TMC5: variants seen among roughly 807,000 people sequenced by gnomAD.
TMC5 encodes transmembrane channel-like protein 5.
Under a neutral mutation model 110.5 loss-of-function variants are expected in TMC5, and 86 were observed. The observed-to-expected ratio is 0.78, with a 90% CI of 0.65 to 0.93. The LOEUF (loss-of-function observed/expected upper bound fraction) is 0.93, where lower values mean the gene tolerates loss of function less well. Among genes scored for constraint, TMC5 ranks in the 40% least tolerant of loss-of-function variants. The probability of loss-of-function intolerance (pLI) is 0.00; values close to 1 mark genes in which losing one functional copy is unlikely to be tolerated. For synonymous variants in TMC5, 455 were observed against 439.5 expected (o/e 1.04, Z -0.44); for missense variants, 1,144 against 1,222.8 (o/e 0.94, Z 0.96).
rs866394841 is a variant in TMC5 at position 19,469,735 on chromosome 16, G to A, written c.1692G>A (p.Gly564=). The A allele has an allele frequency of 1.2e-6, 2 of 1,614,114 alleles. No individual in the cohort carries two copies. Among genetic ancestry groups the A allele is most frequent in the East Asian group, 4.5e-5 (2 of 44,880 alleles). ...TTAATCCCCACATTTACTCCGGAGGGATCACCAAGCTGATCTTTTGCTGGG... is the reference window on the plus strand; with the variant it reads ...TTAATCCCCACATTTACTCCGGAGGAATCACCAAGCTGATCTTTTGCTGGG... The part of the protein sequence containing the change: ...NFINPHIYSG[G]ITKLIFCWDF... Residue 564 remains glycine (G), a synonymous_variant, in exon 10 of 22, where the codon GGG becomes GGA. Coordinates refer to ENST00000542583, the MANE Select transcript of TMC5 (RefSeq NM_001261841.2).
chr16:19,451,965 ATTTTTG>A (rs1192468053), intron 5 of TMC5, among the ~76,000 whole-genome samples: 6 of 151,948 alleles, frequency 3.9e-5, no homozygotes, highest in African/African-American at 1.5e-4. Flanking sequence ...CACCCAGCTC[ATTTTTG>A]TATTTTTAGT....
intron 1 of TMC5, among the ~76,000 whole-genome samples, chr16:19,422,012 C>CTT (rs1966993747): frequency 6.6e-6 from 1 of 151,924 alleles, no homozygotes; most frequent in South Asian, 2.1e-4. Flanking sequence ...GGGCGGATCA[C>CTT]GAGGTCAGGA....
At chr16:19,444,025 ATGACAATCCTTACTATACTCT>A in intron 3 of TMC5, 35 bp from the exon 4 acceptor site, 4 of 1,238,276 alleles carry the variant, frequency 3.2e-6, no homozygotes, top group Admixed American at 2.0e-5. Context: ...GGATGGATGG[ATGACAATCCTTACTATACTCT>A]TGGTTGGATA....
At chr16:19,418,552 G>C (rs1280669416) in intron 1 of TMC5, among the ~76,000 whole-genome samples, 1 of 151,846 alleles carries the variant, frequency 6.6e-6, no homozygotes, top group Non-Finnish European at 1.5e-5. Flanking sequence ...ATGCTTTGTT[G>C]GATGAGTGAA....
chr16:19,497,035 G>A, intron 20 of TMC5, 86 bp from the exon 21 acceptor site: 1 of 1,327,858 alleles, frequency 7.5e-7, no homozygotes. Flanking sequence ...ATGGTGAGGG[G>A]CTCACAAATT....
intron 5 of TMC5, among the ~76,000 whole-genome samples, chr16:19,457,170 A>C (rs139688090): frequency 6.6e-6 from 1 of 152,314 alleles, no homozygotes; most frequent in African/African-American, 2.4e-5. Flanking sequence ...TAAGAGGAAC[A>C]CTTGAGCCCA....
chr16:19,483,404 A>C (rs1418749686), intron 15 of TMC5, among the ~76,000 whole-genome samples: 1 of 152,192 alleles, frequency 6.6e-6, no homozygotes, highest in Non-Finnish European at 1.5e-5. Context: ...GATAAACTGA[A>C]TTCTGAGGCT....
intron 1 of TMC5, among the ~76,000 whole-genome samples, chr16:19,412,749 C>T (rs1597149412): frequency 6.6e-6 from 1 of 152,220 alleles, no homozygotes; most frequent in Admixed American, 6.5e-5. Context: ...TCAACATTAG[C>T]TACAGTAAAT....
Position 19,440,073 on chromosome 16 carries a change from A to C in TMC5, c.35A>C (p.Glu12Ala). ...SAYYRNNWSE[E>A]DPDYPDYSGS... ...TACTACAGGAATAACTGGTCTGAGG[A>C]AGACCCAGATTACCCTGACTATTCA... The change falls in exon 3 of 22, where the codon GAA becomes GCA. Residue 12 changes from glutamate (E) to alanine (A), a missense_variant. Coordinates refer to ENST00000542583, the MANE Select transcript of TMC5 (RefSeq NM_001261841.2). The C allele has an allele frequency of 6.2e-7, 1 of 1,614,040 alleles. No individual in the cohort carries two copies. The highest frequency in any genetic ancestry group is 8.5e-7 in the Non-Finnish European group (1 of 1,180,002).
intron 5 of TMC5, among the ~76,000 whole-genome samples, chr16:19,454,749 T>G (rs547663098): frequency 2.0e-5 from 3 of 152,286 alleles, no homozygotes; most frequent in Admixed American, 6.5e-5. Flanking sequence ...CCTAGGTGAT[T>G]TGAAATTAGA....
At chr16:19,459,418 A>G (rs1286048901) in intron 5 of TMC5, among the ~76,000 whole-genome samples, 28 of 152,190 alleles carry the variant, frequency 1.8e-4, no homozygotes, top group Admixed American at 1.8e-3. Flanking sequence ...GCATTCAGCG[A>G]TAGTCAAGGA....
chr16:19,487,610 G>T (rs1968779999), intron 17 of TMC5, among the ~76,000 whole-genome samples: 1 of 152,018 alleles, frequency 6.6e-6, no homozygotes, highest in African/African-American at 2.4e-5. Context: ...GCTGAGGCAG[G>T]AGAATCACTT....
At chr16:19,438,220 C>A (rs1450849242) in intron 2 of TMC5, among the ~76,000 whole-genome samples, 1 of 150,990 alleles carries the variant, frequency 6.6e-6, no homozygotes, top group East Asian at 2.0e-4. Context: ...CATAGGGAGA[C>A]CCCATCTCTA....
chr16:19,475,125 A>G (rs1482604514), intron 12 of TMC5, among the ~76,000 whole-genome samples: 1 of 152,126 alleles, frequency 6.6e-6, no homozygotes, highest in African/African-American at 2.4e-5. Context: ...TGGGGTTTAT[A>G]AGTACAGGTC....
intron 4 of TMC5, 71 bp downstream of exon 4, chr16:19,444,321 T>C: frequency 7.2e-7 from 1 of 1,390,526 alleles, no homozygotes; most frequent in Non-Finnish European, 9.9e-7. Context: ...GGTGCAATCA[T>C]TAAGGAGACT....
rs559439919 is a variant in TMC5 at position 19,493,839 on chromosome 16, G to C, written c.2827-423G>C. Among the ~76,000 whole-genome samples the C allele has an allele frequency of 2.4e-4, 36 of 152,142 alleles. No individual in the cohort carries two copies. In the Middle Eastern group the frequency reaches 0.014, roughly 57 times the overall value. On this transcript the variant is annotated intron_variant, in intron 19 of 21. Coordinates refer to ENST00000542583, the MANE Select transcript of TMC5 (RefSeq NM_001261841.2). ...TTCCTCTTTTCTTTTTATTGTTAAA[G>C]AATGCAGGTCATCTGTTTCATATTT...
At chr16:19,419,349 ATTCT>A (rs1966927108) in intron 1 of TMC5, among the ~76,000 whole-genome samples, 1 of 142,454 alleles carries the variant, frequency 7.0e-6, no homozygotes, top group Non-Finnish European at 1.5e-5. Context: ...GTTTGACTAG[ATTCT>A]TTCTACACTA....
At chr16:19,486,317 G>A (rs1968739436) in intron 15 of TMC5, among the ~76,000 whole-genome samples, 1 of 152,116 alleles carries the variant, frequency 6.6e-6, no homozygotes, top group Non-Finnish European at 1.5e-5. Context: ...TTTATAGACG[G>A]CCATCTTCTC....
rs757259679 is a variant in TMC5, at chr16:19,487,307, C to T, written c.2554C>T (p.Leu852=). The change falls in exon 17 of 22, where the codon CTG becomes TTG. Residue 852 remains leucine, a synonymous_variant. Coordinates refer to ENST00000542583, the MANE Select transcript of TMC5 (RefSeq NM_001261841.2). ...FPSFTGVLCT[L]AITIWRLKPS... is the part of the protein sequence containing the mutation. ...ATCCTTCACCGGGGTCTTGTGCACCCTGGCCATCACCATCTGGAGGTAGGA... is the reference window on the plus strand; with the variant it reads ...ATCCTTCACCGGGGTCTTGTGCACCTTGGCCATCACCATCTGGAGGTAGGA... 1 of 1,613,836 alleles carries T rather than the reference C, an allele frequency of 6.2e-7. No individual in the cohort carries two copies. The highest frequency in any genetic ancestry group is 8.5e-7 in the Non-Finnish European group (1 of 1,179,886).
Sources: gnomAD v4.1 joint callset for allele counts (sites outside exome capture counted in the v4.1 genomes callset) on GRCh38, gnomAD v4.1.1 for gene constraint, MANE v1.5 for transcripts, NCBI Gene and HGNC (gene_info 2026-07-23, HGNC 2026-07-21) for gene names.